The following DAB2IP variants were observed in gnomAD, a reference collection of about 807,000 sequenced individuals.
DAB2IP encodes the protein DAB2 interacting protein.
In DAB2IP, 28 loss-of-function variants were observed where a neutral mutation model predicts 107.2. The observed-to-expected ratio is 0.26, with a 90% confidence interval of 0.19 to 0.36. DAB2IP has a LOEUF of 0.36. DAB2IP is among the 10% of genes least tolerant of loss of function. DAB2IP has a pLI of 1.00. For synonymous variants in DAB2IP, 755 were observed against 706.4 expected (o/e 1.07, Z -1.09); for missense variants, 1,400 against 1,644.7 (o/e 0.85, Z 2.57).
At chr9:121,585,996 T>C (rs939745332) in intron 1 of DAB2IP, among the ~76,000 whole-genome samples, 1 of 152,194 alleles carries the variant, frequency 6.6e-6, no homozygotes, top group Non-Finnish European at 1.5e-5. Flanking sequence ...CCTGGCTCCC[T>C]GTCGCTGGGC....
chr9:121,755,423 G>A (rs967221748), intron 3 of DAB2IP, among the ~76,000 whole-genome samples: 2 of 152,252 alleles, frequency 1.3e-5, no homozygotes, highest in African/African-American at 4.8e-5. Context: ...TCTTGAACTT[G>A]TCTCACAGTT....
At chr9:121,747,596 C>T (rs1419062732) in intron 3 of DAB2IP, among the ~76,000 whole-genome samples, 2 of 152,128 alleles carry the variant, frequency 1.3e-5, no homozygotes, top group Non-Finnish European at 2.9e-5. Flanking sequence ...ATCCACCTGC[C>T]TCGGCCTCCC....
chr9:121,722,440 G>A (rs757233504), intron 3 of DAB2IP, among the ~76,000 whole-genome samples: 33 of 152,000 alleles, frequency 2.2e-4, no homozygotes, highest in Non-Finnish European at 4.1e-4. Flanking sequence ...GTTTCTCCCC[G>A]TCTGCCACTC....
chr9:121,570,169 T>C (rs1201979364), intron 1 of DAB2IP, among the ~76,000 whole-genome samples: 2 of 144,322 alleles, frequency 1.4e-5, no homozygotes, highest in Non-Finnish European at 3.0e-5. Flanking sequence ...TGGAGTGCAG[T>C]GGTGCGATCT....
intron 1 of DAB2IP, among the ~76,000 whole-genome samples, chr9:121,626,962 T>A (rs1347818581): frequency 6.6e-6 from 1 of 152,160 alleles, no homozygotes; most frequent in Non-Finnish European, 1.5e-5. Context: ...TCCCATCTAC[T>A]CTCTGTGCTC....
intron 2 of DAB2IP, among the ~76,000 whole-genome samples, chr9:121,686,533 T>C (rs770121595): frequency 6.6e-5 from 10 of 152,246 alleles, no homozygotes; most frequent in Non-Finnish European, 1.5e-4. Flanking sequence ...TGGAATGCTC[T>C]CTGTGGGGGC....
intron 2 of DAB2IP, among the ~76,000 whole-genome samples, chr9:121,691,858 T>C (rs1184632515): frequency 1.3e-5 from 2 of 152,236 alleles, no homozygotes; most frequent in Non-Finnish European, 2.9e-5. Flanking sequence ...TCAGCTGTAC[T>C]GATGGGCAGG....
At position 121,699,646 on chromosome 9, in the gene DAB2IP, C is replaced by T. The variant is rs968065721; in HGVS notation, c.362+188C>T. ...GGGGCCCGAGGGGAGGACCCTGTGC[C>T]TCCCTCCGGGGTTAGGTGAGTAGAA... On this transcript the variant is annotated intron_variant, in intron 3 of 15. Transcript: ENST00000408936. The surrounding 1 kb of genome is among the most constrained non-coding windows in gnomAD (Gnocchi z 6.2). Among the ~76,000 whole-genome samples the T allele has an allele frequency of 6.6e-6, 1 of 152,030 alleles. No individual in the cohort carries two copies. Among genetic ancestry groups the T allele is most frequent in the Non-Finnish European group, 1.5e-5 (1 of 67,972 alleles).
chr9:121,677,099 A>G (rs1564150354), intron 1 of DAB2IP, among the ~76,000 whole-genome samples: 1 of 152,228 alleles, frequency 6.6e-6, no homozygotes, highest in Non-Finnish European at 1.5e-5. Context: ...TGTAGCAGTA[A>G]CCAATTAGCG....
In DAB2IP at chr9:121,772,880, G is replaced by A. The variant is rs1834872105; in HGVS notation, c.2352G>A (p.Gly784=). 6.3e-7 allele frequency: 1 copy of A among 1,582,798 alleles called. No individual in the cohort carries two copies. Among genetic ancestry groups the A allele is most frequent in the Non-Finnish European group, 8.6e-7 (1 of 1,167,402 alleles). ...CCGCTGCAGCTCAGCTGGTGGCCGG[G>A]TGGCCGGCCCGGGCAACCCCAGTGA... The change falls in exon 12 of 16, where the codon GGG becomes GGA. Residue 784 remains glycine, a synonymous_variant. Transcript: ENST00000408936. The surrounding 1 kb of genome is among the most constrained non-coding windows in gnomAD (Gnocchi z 4.7).
intron 3 of DAB2IP, among the ~76,000 whole-genome samples, chr9:121,743,689 G>A (rs1045799930): frequency 1.3e-5 from 2 of 152,206 alleles, no homozygotes; most frequent in South Asian, 2.1e-4. Flanking sequence ...TCGGCTTCCC[G>A]AGCCTGGTGG....
chr9:121,655,096 G>A (rs1183899800), intron 1 of DAB2IP, among the ~76,000 whole-genome samples: 1 of 152,014 alleles, frequency 6.6e-6, no homozygotes, highest in Non-Finnish European at 1.5e-5. Flanking sequence ...AGGATGGGCA[G>A]AGTGAGACCT....
chr9:121,651,155 G>A (rs553939206), upstream of DAB2IP, among the ~76,000 whole-genome samples: 3 of 152,300 alleles, frequency 2.0e-5, no homozygotes, highest in African/African-American at 7.2e-5. This position sits in a 1 kb window ranked among gnomAD's most constrained non-coding sequence, Gnocchi z 5.1. Flanking sequence ...TATCAGACGG[G>A]ACAACCTTTA....
chr9:121,761,735 T>C (rs1833907905), intron 6 of DAB2IP, among the ~76,000 whole-genome samples: 1 of 152,190 alleles, frequency 6.6e-6, no homozygotes, highest in Non-Finnish European at 1.5e-5. Flanking sequence ...CTGGCTAGGC[T>C]GCACGTTGGG....
chr9:121,759,642 A>G (rs1381803995), intron 5 of DAB2IP, among the ~76,000 whole-genome samples: 2 of 152,188 alleles, frequency 1.3e-5, no homozygotes, highest in African/African-American at 2.4e-5. Flanking sequence ...CGTTTCATAG[A>G]CAAGCAACCC....
intron 1 of DAB2IP, among the ~76,000 whole-genome samples, chr9:121,577,774 C>T (rs79479967): frequency 0.016 from 2,384 of 152,202 alleles, 64 homozygotes; most frequent in African/African-American, 0.052. Context: ...TCTTAGGTGG[C>T]GGTGGAGGGC....
chr9:121,713,495 C>T (rs955362381), intron 3 of DAB2IP, among the ~76,000 whole-genome samples: 9 of 152,240 alleles, frequency 5.9e-5, no homozygotes, highest in Non-Finnish European at 1.0e-4. Flanking sequence ...GACTCTCACC[C>T]TTTTCCTTCT....
At chr9:121,690,343 G>A (rs376429440) in intron 2 of DAB2IP, among the ~76,000 whole-genome samples, 6 of 152,130 alleles carry the variant, frequency 3.9e-5, no homozygotes, top group African/African-American at 9.7e-5. Flanking sequence ...GCAGGCAGGC[G>A]GAGATAGTAT....
chr9:121,619,793 C>T (rs1041683279), intron 1 of DAB2IP, among the ~76,000 whole-genome samples: 4 of 152,080 alleles, frequency 2.6e-5, no homozygotes, highest in African/African-American at 9.7e-5. Flanking sequence ...TAAGCATTGC[C>T]GTTTCTATTA....
Sources: gnomAD v4.1 joint callset for allele counts (sites outside exome capture counted in the v4.1 genomes callset) on GRCh38, gnomAD v4.1.1 for gene constraint, Gnocchi (gnomAD v3.1) non-coding constraint, MANE v1.5 for transcripts, NCBI Gene and HGNC (gene_info 2026-07-23, HGNC 2026-07-21) for gene names.